The following RTN1 variants were observed in gnomAD, a reference collection of about 807,000 sequenced individuals.
RTN1 encodes the protein reticulon-1.
A neutral mutation model predicts 65.5 loss-of-function variants in RTN1; 25 were observed. The observed-to-expected ratio is 0.38, with a 90% CI of 0.28 to 0.53. The LOEUF (loss-of-function observed/expected upper bound fraction) is 0.53, where lower values mean the gene tolerates loss of function less well. RTN1 is among the 20% of genes least tolerant of loss of function. The pLI, the probability that RTN1 is intolerant of heterozygous loss-of-function variation, is 0.79. For missense variants in RTN1, 983 were observed against 1,025.4 expected (o/e 0.96, Z 0.57); for synonymous variants, 471 against 447.6 (o/e 1.05, Z -0.66).
At chr14:59,808,084 A>G (rs1886668027) in intron 1 of RTN1, among the ~76,000 whole-genome samples, 1 of 152,190 alleles carries the variant, frequency 6.6e-6, no homozygotes, top group Non-Finnish European at 1.5e-5. Context: ...AAGACCAGAG[A>G]CCAGGTCTTC....
In RTN1 at chr14:59,870,280, GCT is replaced by G. The variant is rs768830913; in HGVS notation, c.241+108_241+109del. ...GTGGCGACGCGGGGGTGGGGTCGGC[GCT>G]CAAGGCAGAAAGCGCGAGGCAGGTG... On this transcript the variant is annotated intron_variant, in intron 1 of 8. Coordinates refer to ENST00000267484, the MANE Select transcript of RTN1 (RefSeq NM_021136.3). This position sits in a 1 kb window ranked among gnomAD's most constrained non-coding sequence, Gnocchi z 5.1. 3 of 1,154,348 alleles carry G rather than the reference GCT, an allele frequency of 2.6e-6. No homozygotes were observed. The highest frequency in any genetic ancestry group is 3.3e-6 in the Non-Finnish European group (3 of 896,200). 71.5% of individuals were successfully genotyped at this position (1,154,348 alleles called of 1,614,324 possible).
chr14:59,763,983 G>C (rs986624471), intron 1 of RTN1, among the ~76,000 whole-genome samples: 1 of 152,204 alleles, frequency 6.6e-6, no homozygotes, highest in Non-Finnish European at 1.5e-5. Flanking sequence ...AGTGAGACTT[G>C]CACTGGGGCT....
chr14:59,615,609 C>A (rs1594633318), intron 3 of RTN1, among the ~76,000 whole-genome samples: 1 of 152,022 alleles, frequency 6.6e-6, no homozygotes. Context: ...AAAATCTTAC[C>A]CTATGGTCAA....
chr14:59,701,402 G>A (rs1884174595), intron 3 of RTN1, among the ~76,000 whole-genome samples: 1 of 152,064 alleles, frequency 6.6e-6, no homozygotes, highest in African/African-American at 2.4e-5. Context: ...CCTAATAGCT[G>A]GCAACGGAAA....
Position 59,870,076 on chromosome 14 carries a change from A to G in RTN1, c.241+314T>C, listed in dbSNP as rs1411055921. On this transcript the variant is annotated intron_variant, in intron 1 of 8. Transcript: ENST00000267484. The surrounding 1 kb of genome is among the most constrained non-coding windows in gnomAD (Gnocchi z 5.1). ...CGGAGCCTCCTGGCAGGAGGGAGAA[A>G]CTTGTACCCAGACTCGCCAGCAGCC... 6.6e-6 allele frequency among the ~76,000 whole-genome samples: 1 copy of G among 152,178 alleles called. No homozygotes were observed. Among genetic ancestry groups the G allele is most frequent in the Non-Finnish European group, 1.5e-5 (1 of 68,012 alleles).
At chr14:59,758,648 C>G (rs1223430469) in intron 1 of RTN1, among the ~76,000 whole-genome samples, 1 of 152,198 alleles carries the variant, frequency 6.6e-6, no homozygotes, top group Non-Finnish European at 1.5e-5. Context: ...GGGTCATGAC[C>G]ATTCATTTGG....
At chr14:59,662,801 T>G (rs1411757322) in intron 3 of RTN1, among the ~76,000 whole-genome samples, 1 of 152,214 alleles carries the variant, frequency 6.6e-6, no homozygotes, top group Non-Finnish European at 1.5e-5. Context: ...TCCATGCTCA[T>G]GGATAGGAAG....
intron 1 of RTN1, among the ~76,000 whole-genome samples, chr14:59,823,780 AG>A (rs1886984216): frequency 6.6e-6 from 1 of 152,098 alleles, no homozygotes; most frequent in African/African-American, 2.4e-5. Context: ...AATATTTCAC[AG>A]GGGTTCTCTG....
rs1302836944 is a variant in RTN1, at chr14:59,863,384, TG to T, written c.241+7005del. Among the ~76,000 whole-genome samples, 10 of 152,292 alleles carry T rather than the reference TG, an allele frequency of 6.6e-5. No individual in the cohort carries two copies. The East Asian group carries it at 7.7e-4, about 12-fold the overall frequency. On this transcript the variant is annotated intron_variant, in intron 1 of 8. Coordinates refer to ENST00000267484, the MANE Select transcript of RTN1 (RefSeq NM_021136.3). Reference sequence around the variant, plus strand: ...GAGATGTTTTTCCCGGCACTTTGAATGACTTCCTCATTGTCAAATCCAGTGG... The same window carrying T: ...GAGATGTTTTTCCCGGCACTTTGAATACTTCCTCATTGTCAAATCCAGTGG...
At chr14:59,848,956 C>G (rs77337284) in intron 1 of RTN1, among the ~76,000 whole-genome samples, 1 of 149,486 alleles carries the variant, frequency 6.7e-6, no homozygotes, top group Non-Finnish European at 1.5e-5. Context: ...CCCACCCCCC[C>G]GGGAAGAATA....
chr14:59,826,467 G>T (rs897349248), intron 1 of RTN1, among the ~76,000 whole-genome samples: 1 of 152,160 alleles, frequency 6.6e-6, no homozygotes, highest in South Asian at 2.1e-4. Context: ...TATTCAGACT[G>T]CCATATTTCC....
intron 1 of RTN1, among the ~76,000 whole-genome samples, chr14:59,750,505 AATATATATAATATATCTATAAT>A (rs1885477481): frequency 1.3e-4 from 1 of 7,980 alleles, no homozygotes; most frequent in African/African-American, 1.8e-3. Flanking sequence ...TTATATCTAT[AATATATATAATATATCTATAAT>A]ATATATAATA....
At chr14:59,769,889 TC>T (rs945367978) in intron 1 of RTN1, among the ~76,000 whole-genome samples, 2 of 152,160 alleles carry the variant, frequency 1.3e-5, no homozygotes, top group African/African-American at 4.8e-5. Context: ...AGGAAGAATT[TC>T]CCAGAGGAAC....
In RTN1 at chr14:59,633,115, G is replaced by C. The variant is rs530238409; in HGVS notation, c.1766-25623C>G. 2.5e-3 allele frequency among the ~76,000 whole-genome samples: 388 copies of C among 152,214 alleles called. 1 individual carries two copies. The highest frequency in any genetic ancestry group is 8.6e-3 in the African/African-American group (357 of 41,542). ...GAGACCCCGTCTAAAAGCTGACCTT[G>C]GAATGTCAGCTTGGCTGAAAGATCA... is the stretch of plus-strand genomic sequence containing the variant. On this transcript the variant is annotated intron_variant, in intron 3 of 8. Coordinates refer to ENST00000267484, the MANE Select transcript of RTN1 (RefSeq NM_021136.3).
intron 3 of RTN1, among the ~76,000 whole-genome samples, chr14:59,686,450 T>A (rs989885469): frequency 2.6e-5 from 4 of 152,210 alleles, no homozygotes; most frequent in African/African-American, 7.2e-5. Context: ...TCAAAATGTA[T>A]AAGGATTGTT....
At chr14:59,617,512 T>G (rs1882136410) in intron 3 of RTN1, among the ~76,000 whole-genome samples, 1 of 152,230 alleles carries the variant, frequency 6.6e-6, no homozygotes, top group Non-Finnish European at 1.5e-5. Context: ...AAAATTCATT[T>G]TATAAACAAA....
chr14:59,841,813 T>C (rs1341990295), intron 1 of RTN1, among the ~76,000 whole-genome samples: 8 of 148,832 alleles, frequency 5.4e-5, no homozygotes, highest in Admixed American at 5.4e-4. Flanking sequence ...TAGACAAAAA[T>C]ACACCTGCAA....
intron 1 of RTN1, among the ~76,000 whole-genome samples, chr14:59,810,021 C>A (rs1486268746): frequency 6.6e-6 from 1 of 152,186 alleles, no homozygotes; most frequent in Non-Finnish European, 1.5e-5. Flanking sequence ...TAGCCCTGTG[C>A]TACCTGCAAG....
At chr14:59,745,063 A>G (rs1431439262) in intron 2 of RTN1, among the ~76,000 whole-genome samples, 2 of 152,206 alleles carry the variant, frequency 1.3e-5, no homozygotes, top group African/African-American at 4.8e-5. Context: ...TTAATGGATT[A>G]TCATGGAAAT....
Sources: allele counts gnomAD v4.1 joint callset (sites outside exome capture counted in the v4.1 genomes callset), GRCh38; gene constraint gnomAD v4.1.1; non-coding constraint Gnocchi (gnomAD v3.1); transcripts MANE v1.5; gene names NCBI Gene and HGNC (gene_info 2026-07-23, HGNC 2026-07-21).